NBDY: variants seen among roughly 807,000 people sequenced by gnomAD.
NBDY encodes negative regulator of P-body association, also known as P-body dissociating protein.
At chrX:56,749,804 G>A (rs1431004767) in intron 2 of NBDY, among the ~76,000 whole-genome samples, 4 of 109,810 alleles carry the variant, frequency 3.6e-5, no homozygotes, top group Non-Finnish European at 7.6e-5. Context: ...GGCACATGCC[G>A]TCATGCCCAG....
chrX:56,793,678 G>A (rs1264732287), intron 2 of NBDY, among the ~76,000 whole-genome samples: 3 of 110,947 alleles, frequency 2.7e-5, no homozygotes, highest in Non-Finnish European at 5.7e-5. Context: ...AGATGGTGGC[G>A]TGTGGCCCCC....
At chrX:56,785,056 G>A (rs756542118) in intron 2 of NBDY, among the ~76,000 whole-genome samples, 4 of 111,143 alleles carry the variant, frequency 3.6e-5, no homozygotes, top group African/African-American at 9.8e-5. Context: ...TTCATGCCAC[G>A]GGTAATGATT....
chrX:56,767,477 C>G (rs976623335), intron 2 of NBDY, among the ~76,000 whole-genome samples: 15 of 113,051 alleles, frequency 1.3e-4, no homozygotes, highest in Non-Finnish European at 2.1e-4. Flanking sequence ...CCTCAGCTTG[C>G]GGGGAGGTGT....
chrX:56,766,567 A>C (rs892228143), intron 2 of NBDY, among the ~76,000 whole-genome samples: 25 of 112,398 alleles, frequency 2.2e-4, no homozygotes, highest in East Asian at 2.0e-3. Context: ...CGCCACAGGC[A>C]TGCGACTGCC....
At chrX:56,742,536 G>A (rs2069536755) in intron 2 of NBDY, among the ~76,000 whole-genome samples, 1 of 110,987 alleles carries the variant, frequency 9.0e-6, no homozygotes, top group South Asian at 3.7e-4. Context: ...TTATTAAAGA[G>A]ATCTCCCACT....
At chrX:56,765,775 C>G (rs1035269199) in intron 2 of NBDY, among the ~76,000 whole-genome samples, 2 of 110,600 alleles carry the variant, frequency 1.8e-5, no homozygotes, top group African/African-American at 6.6e-5. Context: ...TCTTTTTCCT[C>G]CTTCTACTCC....
At chrX:56,808,264 C>G (rs766942416) in intron 2 of NBDY, among the ~76,000 whole-genome samples, 1 of 111,977 alleles carries the variant, frequency 8.9e-6, no homozygotes, top group Non-Finnish European at 1.9e-5. Context: ...ATGCTGGCCT[C>G]ATAAAAGTTG....
intron 2 of NBDY, among the ~76,000 whole-genome samples, chrX:56,749,940 C>G (rs769025406): frequency 9.0e-6 from 1 of 111,680 alleles, no homozygotes; most frequent in East Asian, 2.8e-4. Context: ...CATGAACCTC[C>G]ATGCCTGGCT....
intron 2 of NBDY, among the ~76,000 whole-genome samples, chrX:56,809,275 T>G (rs942782588): frequency 1.9e-4 from 21 of 112,104 alleles, no homozygotes; most frequent in African/African-American, 6.2e-4. Context: ...TTAGGTTCAC[T>G]TGGTCCAGAG....
chrX:56,734,125 C>T (rs28706907), intron 2 of NBDY, among the ~76,000 whole-genome samples: 6,880 of 111,908 alleles, frequency 0.061, 466 homozygotes, highest in African/African-American at 0.21. Context: ...GAAAAGGTGC[C>T]ATTAGTGAAA....
chrX:56,788,514 C>T (rs1349755522), intron 2 of NBDY, among the ~76,000 whole-genome samples: 2 of 112,529 alleles, frequency 1.8e-5, no homozygotes, highest in Admixed American at 1.9e-4. Flanking sequence ...TCCACAGCTG[C>T]ATGTAAGAAA....
chrX:56,797,348 CT>C (rs200268050), intron 2 of NBDY, among the ~76,000 whole-genome samples: 9 of 103,273 alleles, frequency 8.7e-5, no homozygotes, highest in East Asian at 6.0e-4. Context: ...TCTTTCTTTC[CT>C]TTTTTTTTCA....
intron 2 of NBDY, chrX:56,737,308 G>A (rs1242936707): frequency 1.1e-6 from 1 of 948,985 alleles, no homozygotes; most frequent in Non-Finnish European, 1.5e-6. Flanking sequence ...ACAGTTCAAG[G>A]TAGAAATTTT....
intron 2 of NBDY, among the ~76,000 whole-genome samples, chrX:56,801,626 C>T (rs1224064264): frequency 9.0e-6 from 1 of 111,606 alleles, no homozygotes; most frequent in Non-Finnish European, 1.9e-5. Flanking sequence ...TAACCTGTTC[C>T]TCATGGCTCA....
chrX:56,733,116 A>C (rs2069468471), intron 2 of NBDY, among the ~76,000 whole-genome samples: 1 of 110,578 alleles, frequency 9.0e-6, no homozygotes, highest in Non-Finnish European at 1.9e-5. Flanking sequence ...CACTTTAGAA[A>C]TATTTCACAG....
At chrX:56,752,582 G>T (rs994287050) in intron 2 of NBDY, among the ~76,000 whole-genome samples, 3 of 111,283 alleles carry the variant, frequency 2.7e-5, no homozygotes, top group African/African-American at 3.3e-5. Context: ...AGGAAGGCAA[G>T]ACTTCAACAA....
chrX:56,736,320 A>C (rs1301272116), intron 2 of NBDY, among the ~76,000 whole-genome samples: 1 of 112,058 alleles, frequency 8.9e-6, no homozygotes, highest in Non-Finnish European at 1.9e-5. Context: ...GCTGAAGTGC[A>C]GTGGCGCAAT....
intron 2 of NBDY, among the ~76,000 whole-genome samples, chrX:56,757,726 G>A (rs911059002): frequency 1.8e-5 from 2 of 110,991 alleles, no homozygotes; most frequent in Non-Finnish European, 3.8e-5. Context: ...GAAAGGGAGC[G>A]GGGAAGGGAA....
At chrX:56,783,326 C>T (rs948816189) in intron 2 of NBDY, among the ~76,000 whole-genome samples, 1 of 113,238 alleles carries the variant, frequency 8.8e-6, no homozygotes, top group East Asian at 2.8e-4. Context: ...GCCGAAGCTC[C>T]TTTGTTTCCT....
Sources: gnomAD v4.1 joint callset for allele counts (sites outside exome capture counted in the v4.1 genomes callset) on GRCh38, gnomAD v4.1.1 for gene constraint, MANE v1.5 for transcripts, NCBI Gene and HGNC (gene_info 2026-07-23, HGNC 2026-07-21) for gene names.